The following FOXN1 variants were observed in gnomAD, a reference collection of about 807,000 sequenced individuals.
FOXN1 encodes forkhead box protein N1.
A neutral mutation model predicts 49.0 loss-of-function variants in FOXN1; 15 were observed. The ratio of observed to expected loss-of-function variants is 0.31; its 90% CI spans 0.20 to 0.47. FOXN1 has a LOEUF of 0.47. Ranked by LOEUF, FOXN1 falls within the 20% of genes least tolerant of loss-of-function variation. The pLI, the probability that FOXN1 is intolerant of heterozygous loss-of-function variation, is 1.00. For synonymous variants in FOXN1, 356 were observed against 369.0 expected (o/e 0.96, Z 0.40); for missense variants, 800 against 842.8 (o/e 0.95, Z 0.63).
chr17:28,522,647 CA>C (rs1283741457), intron 1 of FOXN1, among the ~76,000 whole-genome samples: 1 of 149,702 alleles, frequency 6.7e-6, no homozygotes, highest in Admixed American at 6.6e-5. Context: ...ACTCCGTCTC[CA>C]AAAAAACAAA....
At chr17:28,519,652 T>C (rs1358430146) in intron 1 of FOXN1, among the ~76,000 whole-genome samples, 2 of 152,070 alleles carry the variant, frequency 1.3e-5, no homozygotes, top group East Asian at 3.9e-4. Context: ...AAAGATCCCT[T>C]CTGAATGCAG....
intron 8 of FOXN1, among the ~76,000 whole-genome samples, chr17:28,536,741 C>A (rs567821097): frequency 6.6e-6 from 1 of 152,272 alleles, no homozygotes; most frequent in South Asian, 2.1e-4. Context: ...CCGGAAGCTG[C>A]TTGATCTGGG....
intron 1 of FOXN1, among the ~76,000 whole-genome samples, chr17:28,516,237 C>G (rs2069497207): frequency 6.6e-6 from 1 of 151,500 alleles, no homozygotes; most frequent in Admixed American, 6.6e-5. Flanking sequence ...GTACACATCT[C>G]CAGAGGATAC....
Position 28,535,085 on chromosome 17 carries a change from T to C in FOXN1, c.1514T>C (p.Leu505Pro). The change falls in exon 8 of 9, where the codon CTA (leucine) becomes CCA (proline). Residue 505 changes from leucine (L) to proline (P), a missense_variant. Leu to Pro is a moderately conservative substitution (Grantham distance 98). Transcript: ENST00000579795. The part of the protein sequence containing the change: ...AHTPPSHSAK[L>P]LAEPSPARTM... ...ACCCCACCCAGCCACAGTGCCAAGC[T>C]ACTGGCCGAGCCTTCCCCAGCCAGG... 1 of 1,608,074 alleles carries C rather than the reference T, an allele frequency of 6.2e-7. No homozygotes were observed. Among genetic ancestry groups the C allele is most frequent in the South Asian group, 1.1e-5 (1 of 90,514 alleles).
At chr17:28,513,137 TGCCC>T (rs1469280473) in intron 1 of FOXN1, among the ~76,000 whole-genome samples, 1 of 152,170 alleles carries the variant, frequency 6.6e-6, no homozygotes, top group African/African-American at 2.4e-5. Context: ...GACTTGGTGC[TGCCC>T]GCCTGTAATC....
chr17:28,528,687 G>A (rs766273718), intron 4 of FOXN1, among the ~76,000 whole-genome samples: 1 of 152,266 alleles, frequency 6.6e-6, no homozygotes, highest in East Asian at 1.9e-4. Context: ...CTCATAAAAG[G>A]TGGCAGTGCC....
At chr17:28,525,302 A>G (rs1197199547) in intron 3 of FOXN1, among the ~76,000 whole-genome samples, 1 of 152,192 alleles carries the variant, frequency 6.6e-6, no homozygotes, top group African/African-American at 2.4e-5. Flanking sequence ...GTGACAAGAA[A>G]AACACATTCC....
intron 8 of FOXN1, among the ~76,000 whole-genome samples, chr17:28,536,511 A>C (rs1436178806): frequency 6.6e-6 from 1 of 152,122 alleles, no homozygotes; most frequent in Non-Finnish European, 1.5e-5. Flanking sequence ...AATCCAATCC[A>C]GGGTTTAGTC....
At chr17:28,518,084 A>G (rs1231009800) in intron 1 of FOXN1, among the ~76,000 whole-genome samples, 3 of 145,290 alleles carry the variant, frequency 2.1e-5, no homozygotes, top group Admixed American at 6.8e-5. Flanking sequence ...CCTCCACAGG[A>G]TCCATACCTC....
rs757381055 is a variant in FOXN1 at position 28,523,939 on chromosome 17, A to C, written c.-14-17A>C. 6.2e-7 allele frequency: 1 copy of C among 1,613,066 alleles called. No homozygotes were observed. Among genetic ancestry groups the C allele is most frequent in the South Asian group, 1.1e-5 (1 of 91,076 alleles). On this transcript the variant is annotated splice_polypyrimidine_tract_variant and intron_variant, in intron 1 of 8. Coordinates refer to ENST00000579795, the MANE Select transcript of FOXN1 (RefSeq NM_001369369.1). ...GGATGCTGGTCCTCACTCTCATGGC[A>C]GACGGCTTTCTTTGAGGCCAGGACT...
intron 1 of FOXN1, among the ~76,000 whole-genome samples, chr17:28,516,739 A>C (rs546407719): frequency 2.2e-5 from 3 of 139,052 alleles, no homozygotes; most frequent in African/African-American, 8.1e-5. Flanking sequence ...TCCACAGGGT[A>C]CACACTTCCA....
intron 1 of FOXN1, among the ~76,000 whole-genome samples, chr17:28,507,706 C>A (rs1555606327): frequency 6.6e-6 from 1 of 152,196 alleles, no homozygotes; most frequent in Non-Finnish European, 1.5e-5. Flanking sequence ...TCCTCGGATC[C>A]GAGGGCGGCG....
rs1443474994 is a variant in FOXN1 at position 28,534,449 on chromosome 17, A to G, written c.1046A>G (p.Asn349Ser). The change falls in exon 7 of 9, where the codon AAT becomes AGT. Residue 349 changes from asparagine (N) to serine (S), a missense_variant. Transcript: ENST00000579795. The surrounding 1 kb of genome is among the most constrained non-coding windows in gnomAD (Gnocchi z 4.1). ...CGCAAGGGCTGCCTGTGGGCCCTCA[A>G]TCCGGCCAAGATCGACAAGATGCAA... ...SSRKGCLWALNPAKIDKMQEE... is the reference protein window; with the variant it reads ...SSRKGCLWALSPAKIDKMQEE... 1.2e-6 allele frequency: 2 copies of G among 1,614,190 alleles called. No homozygotes were observed. Among genetic ancestry groups the G allele is most frequent in the Non-Finnish European group, 1.7e-6 (2 of 1,180,016 alleles).
At position 28,537,894 on chromosome 17, in the gene FOXN1, A is replaced by C; in HGVS notation, c.*458A>C. On this transcript the variant is annotated 3_prime_UTR_variant, in exon 9 of 9. Transcript: ENST00000579795. ...CTCAGGGCCCTGTGCCAGGCCAAAGATCCCCCCAGACCCCCATTCTGACAT... is the reference window on the plus strand; with the variant it reads ...CTCAGGGCCCTGTGCCAGGCCAAAGCTCCCCCCAGACCCCCATTCTGACAT... The C allele has an allele frequency of 4.2e-6, 1 of 237,992 alleles. No homozygotes were observed. The highest frequency in any genetic ancestry group is 8.4e-6 in the Non-Finnish European group (1 of 118,490). The allele number at this position is 237,992 out of a possible 1,614,324, so 14.7% of individuals were successfully genotyped here.
intron 1 of FOXN1, among the ~76,000 whole-genome samples, chr17:28,521,269 C>T (rs1413201328): frequency 6.6e-6 from 1 of 152,198 alleles, no homozygotes; most frequent in Non-Finnish European, 1.5e-5. Context: ...ACCGTGCTAC[C>T]CCACCTGCAG....
rs1199809447 is a variant in FOXN1, at chr17:28,523,916, A to G, written c.-14-40A>G. ...GCGAACCTGGGTTGGTCCCCACTGG[A>G]TGCTGGTCCTCACTCTCATGGCAGA... is the stretch of plus-strand genomic sequence containing the variant. On this transcript the variant is annotated intron_variant, in intron 1 of 8. Transcript: ENST00000579795. The G allele has an allele frequency of 2.5e-6, 4 of 1,611,186 alleles. No individual in the cohort carries two copies. The African/African-American group carries it at 5.4e-5, about 22-fold the overall frequency.
At chr17:28,527,583 C>A (rs975899241) in intron 4 of FOXN1, among the ~76,000 whole-genome samples, 1 of 152,186 alleles carries the variant, frequency 6.6e-6, no homozygotes, top group African/African-American at 2.4e-5. Flanking sequence ...GAGTCCCTGG[C>A]AAGGCCTGAG....
At chr17:28,522,320 T>C (rs569727037) in intron 1 of FOXN1, among the ~76,000 whole-genome samples, 1 of 152,318 alleles carries the variant, frequency 6.6e-6, no homozygotes, top group Admixed American at 6.5e-5. Flanking sequence ...GAATTGCTCT[T>C]GCAGGTGGTA....
chr17:28,524,709 C>T lies in FOXN1; in HGVS notation c.330C>T (p.Ser110=). The part of the protein sequence containing the change: ...PGFGFEEAAA[S]SPGRFLKGSH... ...TTGGCTTTGAGGAGGCCGCAGCAAG[C>T]AGCCCTGGGCGATTCCTCAAGGGCA... Residue 110 remains serine, a synonymous_variant, in exon 3 of 9, where the codon AGC becomes AGT. Coordinates refer to ENST00000579795, the MANE Select transcript of FOXN1 (RefSeq NM_001369369.1). The T allele has an allele frequency of 1.2e-6, 2 of 1,612,552 alleles. No homozygotes were observed. The highest frequency in any genetic ancestry group is 2.2e-5 in the South Asian group (2 of 90,980).
Sources: allele counts gnomAD v4.1 joint callset (sites outside exome capture counted in the v4.1 genomes callset), GRCh38; gene constraint gnomAD v4.1.1; non-coding constraint Gnocchi (gnomAD v3.1); transcripts MANE v1.5; gene names NCBI Gene and HGNC (gene_info 2026-07-23, HGNC 2026-07-21).